Variants in SNTG1 observed in about 807,000 individuals in gnomAD.
The protein encoded by SNTG1 is syntrophin gamma 1.
SNTG1 carries 39 observed loss-of-function variants against 74.7 expected under a neutral mutation model. The observed-to-expected ratio is 0.52, with a 90% CI of 0.40 to 0.68. The LOEUF (loss-of-function observed/expected upper bound fraction) is 0.68, where lower values mean the gene tolerates loss of function less well. Ranked by LOEUF, SNTG1 falls within the 30% of genes least tolerant of loss-of-function variation. The pLI is 0.00. For synonymous variants in SNTG1, 254 were observed against 217.1 expected, an observed-to-expected ratio of 1.17 and a Z score of -1.49; for missense variants, 685 against 609.5, an observed-to-expected ratio of 1.12 and a Z score of -1.30.
At chr8:50,011,697 A>T (rs1016783050) in intron 1 of SNTG1, 19 of 151,810 alleles carry the variant, frequency 1.3e-4, no homozygotes, top group Non-Finnish European at 1.8e-4. Context: ...AATTATTTCA[A>T]TTTTATTCAA....
At chr8:50,458,862 GCT>G (rs1224517239) in intron 8 of SNTG1, among the ~76,000 whole-genome samples, 4 of 152,020 alleles carry the variant, frequency 2.6e-5, no homozygotes, top group Non-Finnish European at 5.9e-5. Flanking sequence ...CTAGTCTGTG[GCT>G]TAGTCTCTTC....
intron 15 of SNTG1, among the ~76,000 whole-genome samples, chr8:50,675,324 A>T (rs200217081): frequency 4.0e-5 from 6 of 151,888 alleles, no homozygotes; most frequent in Non-Finnish European, 8.8e-5. Context: ...TAAGAACTTG[A>T]TTTATGAATC....
intron 1 of SNTG1, among the ~76,000 whole-genome samples, chr8:49,946,293 T>C (rs1182410538): frequency 6.6e-6 from 1 of 152,238 alleles, no homozygotes; most frequent in Non-Finnish European, 1.5e-5. Context: ...AAAAGTCCGT[T>C]ACTATAACTG....
intron 17 of SNTG1, among the ~76,000 whole-genome samples, chr8:50,721,739 G>A (rs10097404): frequency 0.56 from 85,366 of 151,976 alleles, 26,110 homozygotes; most frequent in Non-Finnish European, 0.67. Context: ...TGTGGTGAAC[G>A]TGTATGGTGC....
chr8:50,298,066 T>A (rs2089474623), intron 2 of SNTG1, among the ~76,000 whole-genome samples: 1 of 151,766 alleles, frequency 6.6e-6, no homozygotes, highest in African/African-American at 2.4e-5. Flanking sequence ...GGCCGAATCA[T>A]CTTGTCACTG....
At chr8:50,751,692 A>G (rs1028921473) in intron 17 of SNTG1, among the ~76,000 whole-genome samples, 1 of 152,034 alleles carries the variant, frequency 6.6e-6, no homozygotes, top group African/African-American at 2.4e-5. Flanking sequence ...TGTCACTTCT[A>G]TTGAAAAGGA....
At chr8:50,703,587 T>TAA (rs2095433620) in intron 15 of SNTG1, among the ~76,000 whole-genome samples, 3 of 152,076 alleles carry the variant, frequency 2.0e-5, no homozygotes, top group African/African-American at 7.2e-5. Context: ...GTAAATACAG[T>TAA]AATATTTACT....
chr8:49,968,604 A>G (rs1487013461), intron 1 of SNTG1, among the ~76,000 whole-genome samples: 1 of 152,204 alleles, frequency 6.6e-6, no homozygotes, highest in Non-Finnish European at 1.5e-5. Context: ...CTCCTTATTC[A>G]GAGGAAATAA....
intron 2 of SNTG1, among the ~76,000 whole-genome samples, chr8:50,393,806 T>G (rs915922486): frequency 1.8e-4 from 27 of 152,314 alleles, no homozygotes; most frequent in African/African-American, 6.5e-4. Context: ...TCTTTTTTCA[T>G]GAGGTAACCA....
chr8:50,688,004 C>T (rs1317424461), intron 15 of SNTG1, among the ~76,000 whole-genome samples: 2 of 152,068 alleles, frequency 1.3e-5, no homozygotes, highest in African/African-American at 2.4e-5. Context: ...CTCTGATGGC[C>T]AATGATGATG....
At chr8:50,224,980 T>C (rs542987408) in intron 2 of SNTG1, among the ~76,000 whole-genome samples, 192 of 151,458 alleles carry the variant, frequency 1.3e-3, no homozygotes, top group Middle Eastern at 3.4e-3. Flanking sequence ...TTTATTTTTA[T>C]TTTTTTTTGA....
At chr8:50,148,361 A>G (rs1483307134) in intron 1 of SNTG1, among the ~76,000 whole-genome samples, 1 of 152,172 alleles carries the variant, frequency 6.6e-6, no homozygotes, top group African/African-American at 2.4e-5. Context: ...TCACTTTCAA[A>G]GAATAAAGTA....
At chr8:50,626,907 T>C (rs1209284524) in intron 13 of SNTG1, among the ~76,000 whole-genome samples, 9 of 152,192 alleles carry the variant, frequency 5.9e-5, no homozygotes, top group East Asian at 1.9e-4. Context: ...TTATTATTTA[T>C]GTTTTATCTT....
At position 50,250,454 on chromosome 8, in the gene SNTG1, C is replaced by T. The variant is rs1205770359; in HGVS notation, c.-28+77819C>T. On this transcript the variant is annotated intron_variant, in intron 2 of 18. Coordinates refer to ENST00000642720, the MANE Select transcript of SNTG1 (RefSeq NM_018967.5). ...TTAGGGGAGATATGGACATCCATGT[C>T]TAAGAAGCTCAAAAGTTTTCAATGA... Among the ~76,000 whole-genome samples the T allele has an allele frequency of 2.0e-5, 3 of 152,056 alleles. No homozygotes were observed. The East Asian group carries it at 5.8e-4, about 29-fold the overall frequency.
At chr8:50,542,131 T>C (rs1183238655) in intron 11 of SNTG1, among the ~76,000 whole-genome samples, 1 of 148,858 alleles carries the variant, frequency 6.7e-6, no homozygotes, top group Admixed American at 6.8e-5. Context: ...TATATGAATG[T>C]AGTATATGTA....
At chr8:49,947,250 A>G (rs1378246657) in intron 1 of SNTG1, among the ~76,000 whole-genome samples, 3 of 152,184 alleles carry the variant, frequency 2.0e-5, no homozygotes, top group Non-Finnish European at 4.4e-5. Context: ...CAGTGAGTCA[A>G]GATCCCACCA....
intron 2 of SNTG1, among the ~76,000 whole-genome samples, chr8:50,338,067 C>T (rs946431101): frequency 2.1e-4 from 26 of 126,108 alleles, no homozygotes; most frequent in Admixed American, 6.3e-4. Context: ...ACCTGGGAGG[C>T]GGAGCTTGCA....
intron 1 of SNTG1, among the ~76,000 whole-genome samples, chr8:50,105,376 C>A (rs1476355295): frequency 1.3e-5 from 2 of 152,004 alleles, no homozygotes; most frequent in African/African-American, 4.8e-5. Context: ...CATTCTATTC[C>A]ATTGGTTTGT....
rs193105501 is a variant in SNTG1 at position 50,249,152 on chromosome 8, C to T, written c.-28+76517C>T. On this transcript the variant is annotated intron_variant, in intron 2 of 18. Transcript: ENST00000642720. The stretch of plus-strand genomic sequence containing the variant: ...CATTGGTCTTCATCACTGCCAGATA[C>T]GAATGGTAACTGATAGAGGAGGATC... 2.5e-3 allele frequency among the ~76,000 whole-genome samples: 379 copies of T among 152,166 alleles called. 4 individuals carry two copies. The highest frequency in any genetic ancestry group is 6.9e-4 in the Non-Finnish European group (47 of 68,012).
Sources: gnomAD v4.1 joint callset for allele counts (sites outside exome capture counted in the v4.1 genomes callset) on GRCh38, gnomAD v4.1.1 for gene constraint, MANE v1.5 for transcripts, NCBI Gene and HGNC (gene_info 2026-07-23, HGNC 2026-07-21) for gene names.